The following FSHR variants were observed in gnomAD, a reference collection of about 807,000 sequenced individuals.
FSHR encodes follicle-stimulating hormone receptor.
FSHR carries 46 observed loss-of-function variants against 52.1 expected under a neutral mutation model. That is an observed-to-expected ratio of 0.88 (90% CI 0.70 to 1.13). The LOEUF (loss-of-function observed/expected upper bound fraction) is 1.13, where lower values mean the gene tolerates loss of function less well. FSHR is among the 50% of genes most tolerant of loss of function. The pLI, the probability that FSHR is intolerant of heterozygous loss-of-function variation, is 0.00. For missense variants in FSHR, 964 were observed against 834.6 expected (o/e 1.16, Z -1.91); for synonymous variants, 399 against 309.6 (o/e 1.29, Z -3.03).
chr2:49,025,270 G>A (rs1667877452), intron 2 of FSHR, among the ~76,000 whole-genome samples: 1 of 152,150 alleles, frequency 6.6e-6, no homozygotes, highest in African/African-American at 2.4e-5. Flanking sequence ...CAGGCACTGG[G>A]ATCAGTGCTG....
In FSHR at chr2:48,983,016, A is replaced by C. The variant is rs760347597; in HGVS notation, c.594-30T>G. The C allele has an allele frequency of 6.2e-6, 10 of 1,604,998 alleles. No individual in the cohort carries two copies. In the Admixed American group the frequency reaches 8.3e-5, roughly 13 times the overall value. The stretch of plus-strand genomic sequence containing the variant: ...GGATGGGGTTGAGGAAAGAAGAAGG[A>C]AAACACAAAGCCACATAAATATTGC... On this transcript the variant is annotated intron_variant, in intron 7 of 9. Transcript: ENST00000406846.
intron 6 of FSHR, among the ~76,000 whole-genome samples, chr2:48,988,000 C>G (rs970849101): frequency 1.3e-5 from 2 of 152,140 alleles, no homozygotes; most frequent in Non-Finnish European, 2.9e-5. Context: ...TCCATACATT[C>G]AATTTCTATG....
At chr2:49,019,980 A>T in intron 3 of FSHR, 106 bp downstream of exon 3, 1 of 932,546 alleles carries the variant, frequency 1.1e-6, no homozygotes, top group Non-Finnish European at 1.8e-6. Flanking sequence ...ATGACAATCT[A>T]GGGATCTGAG....
chr2:49,094,560 A>G (rs889010897), intron 1 of FSHR, among the ~76,000 whole-genome samples: 28 of 152,116 alleles, frequency 1.8e-4, no homozygotes, highest in African/African-American at 6.8e-4. Context: ...GTCTATTTTC[A>G]CAGGACATAG....
chr2:49,038,631 ATAATAATAAT>A lies in FSHR; in HGVS notation c.225-18481_225-18472del, dbSNP rs1668374677. On this transcript the variant is annotated intron_variant, in intron 2 of 9. Coordinates refer to ENST00000406846, the MANE Select transcript of FSHR (RefSeq NM_000145.4). Reference sequence around the variant, plus strand: ...CAGAGCAAGACTCTGTCTCAAAATAATAATAATAATAATAATAATAATAATAATAATAATA... The same window carrying A: ...CAGAGCAAGACTCTGTCTCAAAATAAAATAATAATAATAATAATAATAATA... Among the ~76,000 whole-genome samples the A allele has an allele frequency of 2.0e-4, 20 of 99,642 alleles. 2 individuals carry two copies. The highest frequency in any genetic ancestry group is 7.8e-4 in the African/African-American group (18 of 23,156). 65.4% of individuals were successfully genotyped at this position (99,642 alleles called of 152,430 possible).
chr2:49,085,674 T>C (rs76193844), intron 1 of FSHR, among the ~76,000 whole-genome samples: 2 of 152,126 alleles, frequency 1.3e-5, no homozygotes, highest in East Asian at 1.9e-4. Context: ...CGTATGTTTA[T>C]TGGGGCACTA....
At chr2:48,972,533 G>GT (rs1674788612) in intron 8 of FSHR, among the ~76,000 whole-genome samples, 1 of 152,078 alleles carries the variant, frequency 6.6e-6, no homozygotes, top group African/African-American at 2.4e-5. Context: ...AGATCTTTCT[G>GT]GTTTCTCTCT....
intron 1 of FSHR, among the ~76,000 whole-genome samples, chr2:49,131,246 C>T (rs1454085280): frequency 6.6e-6 from 1 of 152,064 alleles, no homozygotes; most frequent in Non-Finnish European, 1.5e-5. Context: ...TGAAGACCAA[C>T]AAACAAGATG....
chr2:49,073,139 G>A (rs1302866373), intron 1 of FSHR, among the ~76,000 whole-genome samples: 2 of 151,974 alleles, frequency 1.3e-5, no homozygotes, highest in African/African-American at 4.8e-5. Context: ...TTCCCTCTGA[G>A]AACTAGAACA....
chr2:49,098,095 T>G (rs1479697934), intron 1 of FSHR, among the ~76,000 whole-genome samples: 1 of 152,174 alleles, frequency 6.6e-6, no homozygotes, highest in African/African-American at 2.4e-5. Flanking sequence ...CCCAAATAAT[T>G]TATTTTAGTT....
intron 1 of FSHR, among the ~76,000 whole-genome samples, chr2:49,089,372 A>G (rs573583912): frequency 2.0e-5 from 3 of 152,332 alleles, no homozygotes; most frequent in Non-Finnish European, 2.9e-5. Context: ...GTAAAATAAT[A>G]TCAAGGATAC....
rs560504746 is a variant in FSHR at position 49,069,042 on chromosome 2, G to A, written c.153-752C>T. Among the ~76,000 whole-genome samples the A allele has an allele frequency of 1.2e-4, 18 of 152,054 alleles. No homozygotes were observed. In the South Asian group the frequency reaches 1.7e-3, roughly 14 times the overall value. ...ACCTCAGCTGACTTCAGCTTTTGCC[G>A]TTTTCTTCTGCTCGAAATAATTGTC... On this transcript the variant is annotated intron_variant, in intron 1 of 9. Transcript: ENST00000406846.
intron 1 of FSHR, among the ~76,000 whole-genome samples, chr2:49,140,839 G>T (rs540457131): frequency 6.6e-6 from 1 of 151,988 alleles, no homozygotes; most frequent in Non-Finnish European, 1.5e-5. Context: ...TATCATCAAG[G>T]TTCATCTAAT....
intron 1 of FSHR, among the ~76,000 whole-genome samples, chr2:49,070,926 G>A (rs1235365208): frequency 6.6e-6 from 1 of 152,116 alleles, no homozygotes; most frequent in East Asian, 1.9e-4. Context: ...TAAAGCAGCT[G>A]AATACCAGAT....
chr2:48,986,265 C>T lies in FSHR; in HGVS notation c.524+2712G>A, dbSNP rs578080265. Among the ~76,000 whole-genome samples, 5 of 152,178 alleles carry T rather than the reference C, an allele frequency of 3.3e-5. No homozygotes were observed. The East Asian group carries it at 9.7e-4, about 29-fold the overall frequency. ...GTGTTAGTTTGCTTAGAATATTGGC[C>T]TCCAGCTCTATCCATGTTGCTGCAA... On this transcript the variant is annotated intron_variant, in intron 6 of 9. Transcript: ENST00000406846.
At chr2:49,045,856 G>A (rs550514056) in intron 2 of FSHR, among the ~76,000 whole-genome samples, 1 of 152,324 alleles carries the variant, frequency 6.6e-6, no homozygotes, top group East Asian at 1.9e-4. Context: ...ATACTTGGCA[G>A]AAATTTAAGG....
At chr2:49,043,447 T>C (rs1187930942) in intron 2 of FSHR, among the ~76,000 whole-genome samples, 1 of 152,216 alleles carries the variant, frequency 6.6e-6, no homozygotes, top group African/African-American at 2.4e-5. Context: ...TGGGCACATA[T>C]AAATCTCACA....
At chr2:49,154,184 A>G in intron 1 of FSHR, 82 bp downstream of exon 1, 2 of 1,424,872 alleles carry the variant, frequency 1.4e-6, no homozygotes, top group Non-Finnish European at 2.0e-6. Context: ...TCTAACAGAT[A>G]TCAGCCTAAT....
At chr2:48,968,671 T>C (rs1674589067) in intron 9 of FSHR, 27 bp downstream of exon 9, 1 of 1,612,834 alleles carries the variant, frequency 6.2e-7, no homozygotes, top group Non-Finnish European at 8.5e-7. Context: ...GGGAAATGCC[T>C]GAGCAGGGCT....
Sources: gnomAD v4.1 joint callset for allele counts (sites outside exome capture counted in the v4.1 genomes callset) on GRCh38, gnomAD v4.1.1 for gene constraint, MANE v1.5 for transcripts, NCBI Gene and HGNC (gene_info 2026-07-23, HGNC 2026-07-21) for gene names.